The following C12orf42 variants were observed in gnomAD, a reference collection of about 807,000 sequenced individuals.
C12orf42 encodes uncharacterized protein C12orf42.
Under a neutral mutation model 21.6 loss-of-function variants are expected in C12orf42, and 25 were observed. The ratio of observed to expected loss-of-function variants is 1.16; its 90% CI spans 0.84 to 1.62. The LOEUF (loss-of-function observed/expected upper bound fraction) is 1.62. C12orf42 is among the 40% of genes most tolerant of loss of function. C12orf42 has a pLI of 0.00. For synonymous variants in C12orf42, 174 were observed against 175.0 expected (o/e 0.99, Z 0.05); for missense variants, 483 against 459.3 (o/e 1.05, Z -0.47).
the C12orf42 span, among the ~76,000 whole-genome samples, chr12:103,078,975 G>A: frequency 6.6e-6 from 1 of 152,108 alleles, no homozygotes; most frequent in East Asian, 1.9e-4. Context: ...TGAACACTGA[G>A]GCCAGCTCCA....
intron 3 of C12orf42, among the ~76,000 whole-genome samples, chr12:103,388,676 T>G (rs922562749): frequency 3.3e-5 from 5 of 152,020 alleles, no homozygotes; most frequent in Non-Finnish European, 5.9e-5. Context: ...TTGCCTTATA[T>G]TGATGAAGGT....
the C12orf42 span, among the ~76,000 whole-genome samples, chr12:103,145,966 G>A: frequency 2.0e-5 from 3 of 152,004 alleles, no homozygotes; most frequent in South Asian, 6.2e-4. Context: ...GAGAGAGAGA[G>A]AGAAAGAGAG....
the C12orf42 span, among the ~76,000 whole-genome samples, chr12:103,185,535 G>T: frequency 2.0e-5 from 3 of 149,830 alleles, no homozygotes; most frequent in Non-Finnish European, 4.4e-5. Context: ...TTTTTCTCCT[G>T]CCAGGCTCTT....
At chr12:103,205,473 A>G in the C12orf42 span, among the ~76,000 whole-genome samples, 1 of 152,120 alleles carries the variant, frequency 6.6e-6, no homozygotes, top group Non-Finnish European at 1.5e-5. Flanking sequence ...TGAAAACAGC[A>G]CTGGAAAAAC....
chr12:103,292,060 T>C (rs1456394072), intron 4 of C12orf42, among the ~76,000 whole-genome samples: 1 of 152,126 alleles, frequency 6.6e-6, no homozygotes, highest in Admixed American at 6.6e-5. Flanking sequence ...ATGTGGTATG[T>C]CCATACAGTA....
At chr12:103,422,749 A>C (rs558399880) in intron 2 of C12orf42, among the ~76,000 whole-genome samples, 1 of 152,192 alleles carries the variant, frequency 6.6e-6, no homozygotes, top group Admixed American at 6.5e-5. Flanking sequence ...CAGCTCCAAA[A>C]CAAGCAAGAC....
chr12:103,056,877 AT>A, the C12orf42 span, among the ~76,000 whole-genome samples: 1 of 151,910 alleles, frequency 6.6e-6, no homozygotes, highest in Non-Finnish European at 1.5e-5. Flanking sequence ...TTCTGCTAAG[AT>A]TTTTTATTTA....
At chr12:103,335,528 G>T (rs139333107) in intron 4 of C12orf42, among the ~76,000 whole-genome samples, 1 of 152,096 alleles carries the variant, frequency 6.6e-6, no homozygotes, top group Non-Finnish European at 1.5e-5. Context: ...CTATTTTTGC[G>T]TTTTCTGGAA....
intron 4 of C12orf42, among the ~76,000 whole-genome samples, chr12:103,361,268 C>G (rs970353088): frequency 6.6e-6 from 1 of 152,118 alleles, no homozygotes; most frequent in African/African-American, 2.4e-5. Flanking sequence ...ACTGAGGAAC[C>G]TCAAGGTCTA....
At chr12:103,102,070 C>T in the C12orf42 span, among the ~76,000 whole-genome samples, 1 of 151,808 alleles carries the variant, frequency 6.6e-6, no homozygotes, top group African/African-American at 2.4e-5. Flanking sequence ...CAAGTCCAGC[C>T]CAGATTCAAG....
chr12:103,057,428 A>C, the C12orf42 span, among the ~76,000 whole-genome samples: 1 of 151,814 alleles, frequency 6.6e-6, no homozygotes, highest in Non-Finnish European at 1.5e-5. Flanking sequence ...TTTAACTCCC[A>C]CTTATGAGTG....
At chr12:103,197,718 T>C in the C12orf42 span, among the ~76,000 whole-genome samples, 1 of 152,232 alleles carries the variant, frequency 6.6e-6, no homozygotes, top group Non-Finnish European at 1.5e-5. Context: ...TGAAGTTGCT[T>C]CCTTTGGATA....
intron 4 of C12orf42, among the ~76,000 whole-genome samples, chr12:103,296,002 A>G (rs1339339023): frequency 5.2e-5 from 7 of 133,912 alleles, no homozygotes; most frequent in Non-Finnish European, 6.4e-5. Flanking sequence ...TCCCAATGCT[A>G]TCCCTCCCCA....
chr12:103,526,282 T>C, the C12orf42 span, among the ~76,000 whole-genome samples: 1 of 152,234 alleles, frequency 6.6e-6, no homozygotes, highest in African/African-American at 2.4e-5. Context: ...TTTCTAAGCA[T>C]ATTTAAGCTA....
chr12:103,128,532 G>A, the C12orf42 span, among the ~76,000 whole-genome samples: 2 of 152,144 alleles, frequency 1.3e-5, no homozygotes, highest in Non-Finnish European at 2.9e-5. Flanking sequence ...GCCAAGCACT[G>A]TTCTAAACCT....
rs74532520 is a variant in C12orf42, at chr12:103,293,321, G to C, written n.338-16111C>G. ...AAAAAACAAATAAAATGAGCTGAAG[G>C]GTCCTTTGTTTGTAAGGACCGTTTC... On this transcript the variant is annotated intron_variant and non_coding_transcript_variant, in intron 4 of 6. Transcript: ENST00000546526. Among the ~76,000 whole-genome samples the C allele has an allele frequency of 4.4e-3, 673 of 151,926 alleles. 6 individuals are homozygous for C. The highest frequency in any genetic ancestry group is 0.016 in the African/African-American group (649 of 41,422).
chr12:103,235,944 T>C (rs897087654), downstream of C12orf42, among the ~76,000 whole-genome samples: 1 of 152,184 alleles, frequency 6.6e-6, no homozygotes. Context: ...GTTGGCAAAA[T>C]AGCTCAGAAA....
chr12:103,431,758 G>GTTA (rs1950284621), intron 2 of C12orf42, among the ~76,000 whole-genome samples: 1 of 152,104 alleles, frequency 6.6e-6, no homozygotes, highest in Non-Finnish European at 1.5e-5. Flanking sequence ...ACCTCTTAAT[G>GTTA]TTAGCAGCAG....
At chr12:103,357,023 A>G (rs1280926500) in intron 4 of C12orf42, among the ~76,000 whole-genome samples, 1 of 151,814 alleles carries the variant, frequency 6.6e-6, no homozygotes, top group Non-Finnish European at 1.5e-5. Flanking sequence ...GGAAATCATC[A>G]TTCTCAGTAA....
Sources: allele counts gnomAD v4.1 joint callset (sites outside exome capture counted in the v4.1 genomes callset), GRCh38; gene constraint gnomAD v4.1.1; transcripts MANE v1.5; gene names NCBI Gene and HGNC (gene_info 2026-07-23, HGNC 2026-07-21).